Variants in CHRM2 observed in about 807,000 individuals in gnomAD.
The protein encoded by CHRM2 is cholinergic receptor muscarinic 2, also known as muscarinic acetylcholine receptor M2.
CHRM2 carries 8 observed loss-of-function variants against 25.0 expected under a neutral mutation model. That is an observed-to-expected ratio of 0.32 (90% CI 0.19 to 0.58). CHRM2 has a LOEUF of 0.58. Among genes scored for constraint, CHRM2 ranks in the 20% least tolerant of loss-of-function variants. The pLI is 0.88. For synonymous variants in CHRM2, 202 were observed against 205.7 expected (o/e 0.98, Z 0.15); for missense variants, 440 against 567.1 (o/e 0.78, Z 2.28).
chr7:137,004,446 G>A (rs1563121044), intron 3 of CHRM2, among the ~76,000 whole-genome samples: 2 of 152,118 alleles, frequency 1.3e-5, no homozygotes, highest in Non-Finnish European at 2.9e-5. Flanking sequence ...TGGGAGACAG[G>A]TATTTGGAGA....
intron 2 of CHRM2, among the ~76,000 whole-genome samples, chr7:136,977,680 T>C (rs906812696): frequency 6.6e-6 from 1 of 152,174 alleles, no homozygotes; most frequent in African/African-American, 2.4e-5. Context: ...CGGTAGGCTA[T>C]CATTTCAGGG....
chr7:136,917,415 A>G (rs1019183218), intron 2 of CHRM2, among the ~76,000 whole-genome samples: 1 of 152,030 alleles, frequency 6.6e-6, no homozygotes, highest in African/African-American at 2.4e-5. Context: ...GTGTGAGAAC[A>G]TATTACTGCT....
At position 136,900,222 on chromosome 7, in the gene CHRM2, A is replaced by G. The variant is rs574343330; in HGVS notation, c.-125+30804A>G. ...CCCAACCCTTGGCTCTGAGTCAGAG[A>G]GCAGCCCAATGTGGACACTGAAGAT... On this transcript the variant is annotated intron_variant, in intron 2 of 3. Coordinates refer to ENST00000680005, the MANE Select transcript of CHRM2 (RefSeq NM_001006630.2). Among the ~76,000 whole-genome samples the G allele has an allele frequency of 3.3e-5, 5 of 152,242 alleles. No individual in the cohort carries two copies. In the South Asian group the frequency reaches 1.0e-3, roughly 32 times the overall value.
intron 2 of CHRM2, among the ~76,000 whole-genome samples, chr7:136,966,718 T>A (rs1801438821): frequency 6.6e-6 from 1 of 151,836 alleles, no homozygotes; most frequent in African/African-American, 2.4e-5. Context: ...CTTGCCTTTT[T>A]TTTTTTACAT....
chr7:136,933,570 TCTC>T (rs1289777274), intron 2 of CHRM2, among the ~76,000 whole-genome samples: 2 of 152,150 alleles, frequency 1.3e-5, no homozygotes, highest in African/African-American at 4.8e-5. Context: ...ACTCAACAAT[TCTC>T]CTTCTAGTAA....
intron 2 of CHRM2, chr7:136,899,314 C>T (rs1447134343): frequency 6.6e-6 from 1 of 151,972 alleles, no homozygotes; most frequent in Non-Finnish European, 1.5e-5. Flanking sequence ...ATTGGGTACC[C>T]TGAGAGATCT....
chr7:136,900,585 C>T (rs1222108559), intron 2 of CHRM2, among the ~76,000 whole-genome samples: 1 of 151,878 alleles, frequency 6.6e-6, no homozygotes, highest in African/African-American at 2.4e-5. Context: ...AAGAGGCTGC[C>T]AGTAAAAAGG....
In CHRM2 at chr7:136,868,746, GCA is replaced by G. The variant is rs35916399; in HGVS notation, c.-502_-501del. 75,030 of 149,326 alleles carry G rather than the reference GCA, an allele frequency of 0.5. 19,264 individuals carry two copies. The highest frequency in any genetic ancestry group is 0.79 in the East Asian group (3,917 of 4,930). The allele number at this position is 149,326 out of a possible 1,614,324, so 9.3% of individuals were successfully genotyped here. A position where few individuals can be genotyped will look rare whatever the true frequency, so the allele number is the denominator to read the frequency against. ...GCAAAGACCTAGGGAGCGCGCGCGG[GCA>G]CACACACACACACACACACACACAC... is the stretch of plus-strand genomic sequence containing the variant. On this transcript the variant is annotated 5_prime_UTR_variant, in exon 1 of 4. Transcript: ENST00000680005.
At chr7:136,919,040 A>G (rs1798278282) in intron 2 of CHRM2, among the ~76,000 whole-genome samples, 1 of 152,148 alleles carries the variant, frequency 6.6e-6, no homozygotes, top group South Asian at 2.1e-4. Context: ...TCTAAAGTGC[A>G]ACGTGGCAGA....
At chr7:136,922,993 G>C (rs553112845) in intron 2 of CHRM2, among the ~76,000 whole-genome samples, 8 of 152,216 alleles carry the variant, frequency 5.3e-5, no homozygotes, top group African/African-American at 1.9e-4. Flanking sequence ...TGTAAAAGGG[G>C]TGCTGTTATG....
At chr7:136,949,954 G>A (rs75517010) in intron 2 of CHRM2, among the ~76,000 whole-genome samples, 2,171 of 152,070 alleles carry the variant, frequency 0.014, 46 homozygotes, top group African/African-American at 0.05. Context: ...TTTTCCACAG[G>A]GGAAAATTTC....
At chr7:136,964,112 T>C (rs1801265239) in intron 2 of CHRM2, among the ~76,000 whole-genome samples, 1 of 152,174 alleles carries the variant, frequency 6.6e-6, no homozygotes, top group South Asian at 2.1e-4. Flanking sequence ...CAAATAATTC[T>C]TTCCCAGGTG....
intron 2 of CHRM2, among the ~76,000 whole-genome samples, chr7:136,983,084 A>C (rs991272819): frequency 2.0e-5 from 3 of 152,082 alleles, no homozygotes; most frequent in Admixed American, 1.3e-4. Context: ...ACACCAATCA[A>C]ACGTAGGTTT....
chr7:136,986,933 T>G (rs1802895128), intron 2 of CHRM2, among the ~76,000 whole-genome samples: 1 of 152,206 alleles, frequency 6.6e-6, no homozygotes, highest in Non-Finnish European at 1.5e-5. Context: ...ATTCATTCAC[T>G]TATTAACTTA....
At chr7:136,959,079 C>A (rs995781655) in intron 2 of CHRM2, among the ~76,000 whole-genome samples, 1 of 152,262 alleles carries the variant, frequency 6.6e-6, no homozygotes, top group Non-Finnish European at 1.5e-5. Context: ...GGGATAGGCA[C>A]CAATATCATG....
In CHRM2 at chr7:136,889,047, CAAAAAAAA is replaced by C. The variant is rs56915229; in HGVS notation, c.-125+19648_-125+19655del. ...TGGGCGACAGAGCGAGACTACATCTCAAAAAAAAAAAAAAAAAAAAAAAAAAGTAATTA... is the reference window on the plus strand; with the variant it reads ...TGGGCGACAGAGCGAGACTACATCTCAAAAAAAAAAAAAAAAAAGTAATTA... On this transcript the variant is annotated intron_variant, in intron 2 of 3. Coordinates refer to ENST00000680005, the MANE Select transcript of CHRM2 (RefSeq NM_001006630.2). Among the ~76,000 whole-genome samples the C allele has an allele frequency of 4.6e-3, 308 of 66,482 alleles. 3 individuals carry two copies. Among genetic ancestry groups the C allele is most frequent in the South Asian group, 5.0e-3 (7 of 1,402 alleles). 43.6% of individuals were successfully genotyped at this position (66,482 alleles called of 152,430 possible). A position where few individuals can be genotyped will look rare whatever the true frequency, so the allele number is the denominator to read the frequency against.
Position 136,906,465 on chromosome 7 carries a change from G to T in CHRM2, c.-125+37047G>T, listed in dbSNP as rs116517785. ...ATTTGGTTTTTATTCCACACATTTG[G>T]TTTTTTTAAACCACACATTTGGTTT... On this transcript the variant is annotated intron_variant, in intron 2 of 3. Transcript: ENST00000680005. 4.0e-3 allele frequency among the ~76,000 whole-genome samples: 611 copies of T among 150,930 alleles called. 4 individuals are homozygous for T. Among genetic ancestry groups the T allele is most frequent in the African/African-American group, 0.014 (580 of 41,168 alleles).
intron 2 of CHRM2, among the ~76,000 whole-genome samples, chr7:136,981,963 T>A (rs1802519231): frequency 6.6e-6 from 1 of 152,156 alleles, no homozygotes. Context: ...GTCTATTAGG[T>A]CGACTTGGTC....
intron 2 of CHRM2, among the ~76,000 whole-genome samples, chr7:136,946,679 T>C (rs1304906197): frequency 6.6e-6 from 1 of 152,200 alleles, no homozygotes; most frequent in African/African-American, 2.4e-5. Flanking sequence ...CTATTTAAAC[T>C]TCCTACAAGT....
Sources: gnomAD v4.1 joint callset for allele counts (sites outside exome capture counted in the v4.1 genomes callset) on GRCh38, gnomAD v4.1.1 for gene constraint, MANE v1.5 for transcripts, NCBI Gene and HGNC (gene_info 2026-07-23, HGNC 2026-07-21) for gene names.